CADM2: variants seen among roughly 807,000 people sequenced by gnomAD.
The protein encoded by CADM2 is cell adhesion molecule 2.
CADM2 carries 12 observed loss-of-function variants against 49.8 expected under a neutral mutation model. The observed-to-expected ratio is 0.24, with a 90% confidence interval of 0.15 to 0.39. The LOEUF is 0.39. CADM2 is among the 10% of genes least tolerant of loss of function. The probability of loss-of-function intolerance (pLI) is 1.00; values close to 1 mark genes in which losing one functional copy is unlikely to be tolerated. For missense variants in CADM2, 378 were observed against 492.3 expected (o/e 0.77, Z 2.20); for synonymous variants, 214 against 175.4 (o/e 1.22, Z -1.74).
intron 1 of CADM2, among the ~76,000 whole-genome samples, chr3:85,446,348 C>G (rs985336222): frequency 6.6e-6 from 1 of 152,044 alleles, no homozygotes; most frequent in African/African-American, 2.4e-5. Context: ...AAAAATGCCC[C>G]ATAGTTGTAC....
chr3:85,741,560 C>T (rs1241258915), intron 2 of CADM2, among the ~76,000 whole-genome samples: 1 of 152,068 alleles, frequency 6.6e-6, no homozygotes, highest in Non-Finnish European at 1.5e-5. Flanking sequence ...CCCAGCTACT[C>T]AAGAGGCAGA....
intron 1 of CADM2, among the ~76,000 whole-genome samples, chr3:85,311,913 T>C (rs2044354222): frequency 6.6e-6 from 1 of 152,184 alleles, no homozygotes. Context: ...AATAAAAGTT[T>C]CACAAATGTG....
chr3:85,262,575 G>C (rs192214285), intron 1 of CADM2, among the ~76,000 whole-genome samples: 1 of 151,948 alleles, frequency 6.6e-6, no homozygotes, highest in Non-Finnish European at 1.5e-5. Flanking sequence ...TTGTATAAAG[G>C]CTCTAAATTT....
intron 1 of CADM2, among the ~76,000 whole-genome samples, chr3:85,190,958 T>C (rs369640442): frequency 5.5e-4 from 84 of 152,236 alleles, no homozygotes; most frequent in African/African-American, 2.0e-3. Flanking sequence ...AAAATACAGA[T>C]ATGTAAAGAG....
At chr3:85,636,441 T>A (rs2064488677) in intron 1 of CADM2, among the ~76,000 whole-genome samples, 1 of 152,178 alleles carries the variant, frequency 6.6e-6, no homozygotes, top group Admixed American at 6.5e-5. Flanking sequence ...AATGTGTTAT[T>A]ACAAAAGAGT....
At chr3:85,756,231 G>A (rs139048291) in intron 2 of CADM2, among the ~76,000 whole-genome samples, 6 of 152,128 alleles carry the variant, frequency 3.9e-5, no homozygotes, top group African/African-American at 1.4e-4. Context: ...AGTTCAGGGT[G>A]ACCTTTAGAC....
At chr3:85,290,784 C>T (rs537355739) in intron 1 of CADM2, among the ~76,000 whole-genome samples, 2 of 152,320 alleles carry the variant, frequency 1.3e-5, no homozygotes, top group African/African-American at 4.8e-5. Context: ...AAAAACCCAT[C>T]TGTACATCAC....
chr3:84,981,388 A>G (rs1172855232), intron 1 of CADM2, among the ~76,000 whole-genome samples: 1 of 152,116 alleles, frequency 6.6e-6, no homozygotes, highest in Non-Finnish European at 1.5e-5. Context: ...CTAGGGTGCC[A>G]GAGAAAGGAG....
At chr3:85,803,596 A>T (rs1156512618) in intron 3 of CADM2, among the ~76,000 whole-genome samples, 1 of 152,090 alleles carries the variant, frequency 6.6e-6, no homozygotes, top group Non-Finnish European at 1.5e-5. Context: ...GGCAAGTTTG[A>T]AAAATGCAGG....
intron 1 of CADM2, among the ~76,000 whole-genome samples, chr3:85,514,537 G>A (rs541873187): frequency 7.2e-5 from 11 of 152,192 alleles, no homozygotes; most frequent in African/African-American, 2.2e-4. Flanking sequence ...GAGATTACAT[G>A]CACTGTAACT....
chr3:85,413,624 G>A (rs768480227), intron 1 of CADM2, among the ~76,000 whole-genome samples: 1 of 152,096 alleles, frequency 6.6e-6, no homozygotes, highest in Non-Finnish European at 1.5e-5. Context: ...AAGAGAGGGC[G>A]GCAGGGAGCC....
Position 85,258,802 on chromosome 3 carries a change from C to T in CADM2, c.61+299134C>T, listed in dbSNP as rs143034964. On this transcript the variant is annotated intron_variant, in intron 1 of 9. Transcript: ENST00000383699. ...CAGGTAAAATGGAACAACAATTAAA[C>T]GAAGAATGGAAGATGGCATATATAT... Among the ~76,000 whole-genome samples the T allele has an allele frequency of 2.6e-3, 401 of 152,022 alleles. 2 individuals carry two copies. The highest frequency in any genetic ancestry group is 5.3e-3 in the Admixed American group (80 of 15,220).
rs190471344 is a variant in CADM2 at position 86,030,565 on chromosome 3, T to C, written c.971-35040T>C. 9.9e-5 allele frequency among the ~76,000 whole-genome samples: 15 copies of C among 152,064 alleles called. No homozygotes were observed. In the East Asian group the frequency reaches 2.7e-3, roughly 27 times the overall value. ...TAATTAAATATGAATGTTAAATTGGTTTACTGATTTTCAGATTTGCCCACA... is the reference window on the plus strand; with the variant it reads ...TAATTAAATATGAATGTTAAATTGGCTTACTGATTTTCAGATTTGCCCACA... On this transcript the variant is annotated intron_variant, in intron 8 of 9. Transcript: ENST00000383699.
At chr3:85,700,547 A>C (rs2066722624) in intron 1 of CADM2, among the ~76,000 whole-genome samples, 1 of 152,192 alleles carries the variant, frequency 6.6e-6, no homozygotes, top group African/African-American at 2.4e-5. Context: ...ATATGAGCAT[A>C]AGGTATTAGA....
At chr3:85,455,569 T>A (rs1230052574) in intron 1 of CADM2, among the ~76,000 whole-genome samples, 1 of 152,186 alleles carries the variant, frequency 6.6e-6, no homozygotes, top group East Asian at 1.9e-4. Flanking sequence ...AAGAAAGACT[T>A]CCAACAGAAA....
intron 7 of CADM2, among the ~76,000 whole-genome samples, chr3:85,953,413 A>C (rs1483946654): frequency 6.6e-6 from 1 of 150,970 alleles, no homozygotes; most frequent in Non-Finnish European, 1.5e-5. Context: ...TATTTAAATT[A>C]ATCTTTTCAA....
chr3:85,699,550 A>G (rs1290494923), intron 1 of CADM2, among the ~76,000 whole-genome samples: 2 of 152,228 alleles, frequency 1.3e-5, no homozygotes, highest in African/African-American at 4.8e-5. Flanking sequence ...GGAAGCTGCC[A>G]GGGCTTATGG....
At chr3:85,599,138 T>C (rs1445177139) in intron 1 of CADM2, among the ~76,000 whole-genome samples, 1 of 152,016 alleles carries the variant, frequency 6.6e-6, no homozygotes, top group Non-Finnish European at 1.5e-5. Flanking sequence ...TTAAGGAAGA[T>C]ACCTGGTTTC....
intron 1 of CADM2, among the ~76,000 whole-genome samples, chr3:85,125,731 C>T (rs2039012687): frequency 6.6e-6 from 1 of 152,130 alleles, no homozygotes; most frequent in Non-Finnish European, 1.5e-5. Flanking sequence ...AGGTCTACTG[C>T]CTGCCAATAA....
Sources: allele counts gnomAD v4.1 joint callset (sites outside exome capture counted in the v4.1 genomes callset), GRCh38; gene constraint gnomAD v4.1.1; transcripts MANE v1.5; gene names NCBI Gene and HGNC (gene_info 2026-07-23, HGNC 2026-07-21).